FSD2: variants seen among roughly 807,000 people sequenced by gnomAD.
The protein encoded by FSD2 is fibronectin type III and SPRY domain-containing protein 2.
FSD2 carries 71 observed loss-of-function variants against 80.4 expected under a neutral mutation model. The observed-to-expected ratio is 0.88, with a 90% CI of 0.73 to 1.08. The LOEUF is 1.08. FSD2 is among the 50% of genes least tolerant of loss of function. The pLI, the probability that FSD2 is intolerant of heterozygous loss-of-function variation, is 0.00. For synonymous variants in FSD2, 361 were observed against 329.5 expected (o/e 1.10, Z -1.03); for missense variants, 923 against 913.8 (o/e 1.01, Z -0.13).
Position 82,769,836 on chromosome 15 carries a change from A to C in FSD2, c.1316T>G (p.Val439Gly), listed in dbSNP as rs773064775. The change falls in exon 8 of 13, where the codon GTG (valine) becomes GGG (glycine). Residue 439 changes from valine (V) to glycine (G), a missense_variant. Transcript: ENST00000334574. ...KETYCSVTNL[V>G]PNTQYEFWVT... ...CCAAAATTCATACTGGGTATTTGGC[A>C]CAAGGTTTGTCACTGAGCAATATGT... 6.8e-6 allele frequency: 11 copies of C among 1,614,002 alleles called. No homozygotes were observed. Among genetic ancestry groups the C allele is most frequent in the Non-Finnish European group, 6.8e-6 (8 of 1,179,904 alleles).
chr15:82,776,711 T>G (rs1489898425), intron 6 of FSD2, among the ~76,000 whole-genome samples: 2 of 152,062 alleles, frequency 1.3e-5, no homozygotes, highest in African/African-American at 4.8e-5. Context: ...CCCAACAGCA[T>G]TTTTTACAGA....
In FSD2 at chr15:82,786,504, C is replaced by T. The variant is rs1425932815; in HGVS notation, c.735+7G>A. 3 of 1,605,828 alleles carry T rather than the reference C, an allele frequency of 1.9e-6. No individual in the cohort carries two copies. Among genetic ancestry groups the T allele is most frequent in the Non-Finnish European group, 2.6e-6 (3 of 1,173,264 alleles). On this transcript the variant is annotated splice_region_variant and intron_variant, in intron 3 of 12. Coordinates refer to ENST00000334574, the MANE Select transcript of FSD2 (RefSeq NM_001007122.4). ...GAGTCTGATGAGGTCTTCAAGTGTG[C>T]TCTTACCTCCACAGTGATGAAAACC...
chr15:82,772,186 G>A lies in FSD2; in HGVS notation c.1154C>T (p.Ala385Val). 1 of 1,612,712 alleles carries A rather than the reference G, an allele frequency of 6.2e-7. No homozygotes were observed. The highest frequency in any genetic ancestry group is 8.5e-7 in the Non-Finnish European group (1 of 1,179,466). Residue 385 changes from alanine (A) to valine (V), a missense_variant, in exon 7 of 13, where the codon GCC becomes GTC. Physicochemically the swap from Ala to Val is moderately conservative, Grantham distance 64 (BLOSUM62 0). Coordinates refer to ENST00000334574, the MANE Select transcript of FSD2 (RefSeq NM_001007122.4). Reference protein sequence around the residue: ...PVINPQVPNSATGSSVRVCWS... With the variant: ...PVINPQVPNSVTGSSVRVCWS... ...GCACACTCGGACTGAGGAACCTGTG[G>A]CTGAGTTAGGGACCTGTGGATTTAT...
At chr15:82,784,622 T>C (rs1596250504) in intron 3 of FSD2, among the ~76,000 whole-genome samples, 2 of 152,148 alleles carry the variant, frequency 1.3e-5, no homozygotes, top group Admixed American at 6.5e-5. Flanking sequence ...AGTGGAAGGG[T>C]TTGCCACTTC....
chr15:82,759,544 G>C lies in FSD2; in HGVS notation c.2054C>G (p.Pro685Arg), dbSNP rs1169370544. 2 of 1,606,144 alleles carry C rather than the reference G, an allele frequency of 1.2e-6. No homozygotes were observed. Among genetic ancestry groups the C allele is most frequent in the South Asian group, 2.2e-5 (2 of 89,722 alleles). Reference sequence around the variant, plus strand: ...TAATAGAATGCCAATCTTCTTTGGTGGAACTGTTATTCTTATATCTGGAGT... The same window carrying C: ...TAATAGAATGCCAATCTTCTTTGGTCGAACTGTTATTCTTATATCTGGAGT... ...RTTPDIRITV[P>R]PKKIGILLDY... Residue 685 changes from proline (P) to arginine (R), a missense_variant, in exon 13 of 13, where the codon CCA becomes CGA. Coordinates refer to ENST00000334574, the MANE Select transcript of FSD2 (RefSeq NM_001007122.4).
At chr15:82,785,537 T>C (rs891953696) in intron 3 of FSD2, among the ~76,000 whole-genome samples, 8 of 152,150 alleles carry the variant, frequency 5.3e-5, no homozygotes, top group Non-Finnish European at 1.0e-4. Context: ...TTGGCCAGTC[T>C]GGTCTCGAAC....
chr15:82,761,909 C>T (rs1291027157), intron 12 of FSD2, among the ~76,000 whole-genome samples, 193 bp downstream of exon 12: 1 of 152,078 alleles, frequency 6.6e-6, no homozygotes, highest in African/African-American at 2.4e-5. Flanking sequence ...TAAATTTTAG[C>T]TATTTTTAGT....
At chr15:82,784,474 C>G (rs1250060893) in intron 3 of FSD2, among the ~76,000 whole-genome samples, 9 of 152,086 alleles carry the variant, frequency 5.9e-5, no homozygotes, top group Admixed American at 5.9e-4. Context: ...TCTCGAACTC[C>G]TGACCTCAAG....
chr15:82,759,136 G>A lies in FSD2; in HGVS notation c.*212C>T. The stretch of plus-strand genomic sequence containing the variant: ...GAGCCTTTATTTTACAGCTGGGCCT[G>A]GTAATGACTATCCTAGCAGCACACA... On this transcript the variant is annotated 3_prime_UTR_variant, in exon 13 of 13. Coordinates refer to ENST00000334574, the MANE Select transcript of FSD2 (RefSeq NM_001007122.4). 1 of 551,526 alleles carries A rather than the reference G, an allele frequency of 1.8e-6. No individual in the cohort carries two copies. Among genetic ancestry groups the A allele is most frequent in the Non-Finnish European group, 3.2e-6 (1 of 315,160 alleles). The allele number at this position is 551,526 out of a possible 1,614,324, so 34.2% of individuals were successfully genotyped here.
Position 82,786,937 on chromosome 15 carries a change from A to T in FSD2, c.454T>A (p.Tyr152Asn), listed in dbSNP as rs564953281. Residue 152 changes from tyrosine to asparagine, a missense_variant, in exon 2 of 13, where the codon TAC becomes AAC. Coordinates refer to ENST00000334574, the MANE Select transcript of FSD2 (RefSeq NM_001007122.4). The stretch of plus-strand genomic sequence containing the variant: ...TCCTCGCTGGCACGGCCGTGTGTGT[A>T]CCTATAGGCTTCCCGCAAGTCCTGG... ...QCQDLREAYR[Y>N]THGRASEEYE... 62 of 1,613,892 alleles carry T rather than the reference A, an allele frequency of 3.8e-5. No individual in the cohort carries two copies. The highest frequency in any genetic ancestry group is 5.3e-5 in the Non-Finnish European group (62 of 1,179,866).
At chr15:82,801,454 G>A (rs1469830960) in intron 1 of FSD2, among the ~76,000 whole-genome samples, 1 of 152,162 alleles carries the variant, frequency 6.6e-6, no homozygotes, top group Non-Finnish European at 1.5e-5. Context: ...TTGGGGAGGT[G>A]GGATGTGGAA....
intron 6 of FSD2, among the ~76,000 whole-genome samples, chr15:82,778,297 C>A (rs1596243853): frequency 6.6e-6 from 1 of 151,620 alleles, no homozygotes; most frequent in East Asian, 1.9e-4. Context: ...CAATGTCCAT[C>A]AATAGATGGA....
intron 1 of FSD2, among the ~76,000 whole-genome samples, chr15:82,794,873 C>T (rs1023055798): frequency 1.3e-5 from 2 of 151,922 alleles, no homozygotes; most frequent in East Asian, 1.9e-4. Context: ...TACAGGCGCC[C>T]GCCACCACGC....
chr15:82,789,494 C>G (rs909359406), intron 1 of FSD2, among the ~76,000 whole-genome samples: 2 of 151,894 alleles, frequency 1.3e-5, no homozygotes, highest in African/African-American at 4.9e-5. Flanking sequence ...GTGGCAGGCA[C>G]TGCTATCATC....
intron 7 of FSD2, among the ~76,000 whole-genome samples, chr15:82,771,122 G>GA (rs1035591178): frequency 5.9e-5 from 9 of 152,116 alleles, no homozygotes; most frequent in African/African-American, 2.2e-4. Context: ...TTCCTGGGCA[G>GA]AAACACCATC....
Position 82,787,113 on chromosome 15 carries a change from T to A in FSD2, c.278A>T (p.Glu93Val). Residue 93 changes from glutamate (E) to valine (V), a missense_variant, in exon 2 of 13, where the codon GAA (glutamate) becomes GTA (valine). By Grantham distance (121) the Glu-to-Val change is moderately radical (BLOSUM62 -2). Coordinates refer to ENST00000334574, the MANE Select transcript of FSD2 (RefSeq NM_001007122.4). ...DHELGDEFVD[E>V]NIPRTGVSEY... ...TGAAACCCCTGTTCTGGGTATGTTT[T>A]CATCAACAAACTCATCCCCTAATTC... is the stretch of plus-strand genomic sequence containing the variant. 3.7e-6 allele frequency: 6 copies of A among 1,614,008 alleles called. No individual in the cohort carries two copies. Among genetic ancestry groups the A allele is most frequent in the Non-Finnish European group, 5.1e-6 (6 of 1,179,900 alleles).
chr15:82,787,633 A>T (rs1246731696), intron 1 of FSD2, among the ~76,000 whole-genome samples, 165 bp from the exon 2 acceptor site: 1 of 151,988 alleles, frequency 6.6e-6, no homozygotes, highest in Admixed American at 6.6e-5. Context: ...CTATGGGAGG[A>T]TGGGCTTTCT....
chr15:82,785,072 G>A (rs900066361), intron 3 of FSD2, among the ~76,000 whole-genome samples: 3 of 152,168 alleles, frequency 2.0e-5, no homozygotes, highest in Admixed American at 6.5e-5. Context: ...CTTATTCTGT[G>A]TAGCTCTAGG....
At chr15:82,792,812 A>G (rs765048038) in intron 1 of FSD2, among the ~76,000 whole-genome samples, 2 of 152,110 alleles carry the variant, frequency 1.3e-5, no homozygotes, top group African/African-American at 2.4e-5. Flanking sequence ...TTTTTGTCAT[A>G]TGTGACTAGA....
Sources: gnomAD v4.1 joint callset for allele counts (sites outside exome capture counted in the v4.1 genomes callset) on GRCh38, gnomAD v4.1.1 for gene constraint, MANE v1.5 for transcripts, NCBI Gene and HGNC (gene_info 2026-07-23, HGNC 2026-07-21) for gene names.